The following IL1RL2 variants were observed in gnomAD, a reference collection of about 807,000 sequenced individuals.
The protein encoded by IL1RL2 is interleukin 1 receptor like 2, also known as interleukin-1 receptor-like 2.
IL1RL2 carries 68 observed loss-of-function variants against 66.8 expected under a neutral mutation model. The observed-to-expected ratio is 1.02, with a 90% CI of 0.84 to 1.25. IL1RL2 has a LOEUF of 1.25. Ranked by LOEUF, IL1RL2 falls within the 50% of genes most tolerant of loss-of-function variation. The pLI is 0.00. For missense variants in IL1RL2, 729 were observed against 709.3 expected (o/e 1.03, Z -0.32); for synonymous variants, 305 against 264.6 (o/e 1.15, Z -1.48).
intron 9 of IL1RL2, among the ~76,000 whole-genome samples, chr2:102,229,446 T>A (rs1346795682): frequency 6.6e-6 from 1 of 152,186 alleles, no homozygotes; most frequent in Non-Finnish European, 1.5e-5. Flanking sequence ...TGGGTTTACA[T>A]CAAGGCTATG....
intron 11 of IL1RL2, chr2:102,235,759 T>A (rs1378826300): frequency 1.0e-6 from 1 of 985,290 alleles, no homozygotes; most frequent in African/African-American, 1.7e-5. Context: ...CAGGGCCCCA[T>A]GCTCAGGGGT....
intron 6 of IL1RL2, among the ~76,000 whole-genome samples, chr2:102,213,467 C>G (rs1689351129): frequency 1.3e-5 from 2 of 152,058 alleles, no homozygotes; most frequent in African/African-American, 2.4e-5. Flanking sequence ...AAACATATAT[C>G]AAAACATCAC....
At chr2:102,228,168 A>G (rs1690801381) in intron 9 of IL1RL2, among the ~76,000 whole-genome samples, 1 of 152,040 alleles carries the variant, frequency 6.6e-6, no homozygotes, top group African/African-American at 2.4e-5. Context: ...GAAATTCTCT[A>G]CAGCTCTGTC....
chr2:102,213,417 C>T (rs1412826880), intron 6 of IL1RL2, among the ~76,000 whole-genome samples: 3 of 152,014 alleles, frequency 2.0e-5, no homozygotes, highest in African/African-American at 4.8e-5. Context: ...TGTGAAGTGA[C>T]GGATTTGTTA....
intron 5 of IL1RL2, among the ~76,000 whole-genome samples, chr2:102,201,949 T>C (rs1432683784): frequency 1.3e-5 from 2 of 152,156 alleles, no homozygotes; most frequent in African/African-American, 4.8e-5. Context: ...AAACTCTTGG[T>C]TGATTTGTGA....
intron 1 of IL1RL2, chr2:102,187,438 G>A: frequency 1.9e-6 from 2 of 1,057,516 alleles, no homozygotes; most frequent in Middle Eastern, 4.4e-4. Flanking sequence ...AGGCGCGCAG[G>A]GGAGGCTCCG....
rs113286300 is a variant in IL1RL2 at position 102,197,139 on chromosome 2, G to A, written c.490-4417G>A. ...GAGATGTTATGGGGAAAATTTGAAA[G>A]AGTAATGTAAGTAAATAGATGGAGA... On this transcript the variant is annotated intron_variant, in intron 4 of 11. Transcript: ENST00000264257. Among the ~76,000 whole-genome samples, 1,093 of 152,300 alleles carry A rather than the reference G, an allele frequency of 7.2e-3. 17 individuals are homozygous for A. Among genetic ancestry groups the A allele is most frequent in the African/African-American group, 0.025 (1,054 of 41,564 alleles).
chr2:102,225,960 G>T lies in IL1RL2; in HGVS notation c.1054G>T (p.Val352Phe). 6.2e-7 allele frequency: 1 copy of T among 1,611,344 alleles called. No individual in the cohort carries two copies. The highest frequency in any genetic ancestry group is 1.1e-5 in the South Asian group (1 of 90,754). Residue 352 changes from valine to phenylalanine, a missense_variant, in exon 9 of 12, where the codon GTT becomes TTT. Val to Phe is a conservative substitution (Grantham distance 50). Transcript: ENST00000264257. ...LIALVAVAVS[V>F]VYIYNIFKID... ...CGCCTTGGTGGCTGTGGCTGTGTCT[G>T]TTGTGTACATATACAACATTTTTAA...
intron 4 of IL1RL2, among the ~76,000 whole-genome samples, chr2:102,200,518 C>T (rs1429579804): frequency 3.3e-5 from 5 of 152,288 alleles, no homozygotes; most frequent in African/African-American, 1.2e-4. Flanking sequence ...TTAGATTGTG[C>T]ACTTCCTGAG....
chr2:102,237,604 A>T (rs1189991140), intron 11 of IL1RL2, among the ~76,000 whole-genome samples: 2 of 152,132 alleles, frequency 1.3e-5, no homozygotes, highest in Non-Finnish European at 2.9e-5. Flanking sequence ...CGAATCCTCC[A>T]TGAGGAATAA....
chr2:102,200,640 C>T (rs558718784), intron 4 of IL1RL2, among the ~76,000 whole-genome samples: 2 of 152,298 alleles, frequency 1.3e-5, no homozygotes, highest in South Asian at 2.1e-4. Flanking sequence ...AGCAGTCACT[C>T]TGTGGACTGC....
chr2:102,197,011 G>T (rs1231845360), intron 4 of IL1RL2, among the ~76,000 whole-genome samples: 2 of 152,148 alleles, frequency 1.3e-5, no homozygotes, highest in African/African-American at 4.8e-5. Flanking sequence ...TAGAAATCAA[G>T]TTAAGAAGTG....
chr2:102,201,603 G>C lies in IL1RL2; in HGVS notation c.537G>C (p.Arg179Ser). Residue 179 changes from arginine (R) to serine (S), a missense_variant, in exon 5 of 12, where the codon AGG becomes AGC. Arg to Ser is a moderately radical substitution (Grantham distance 110). Transcript: ENST00000264257. Reference protein sequence around the residue: ...KGERFTVLETRLLVSNVSAED... With the variant: ...KGERFTVLETSLLVSNVSAED... The stretch of plus-strand genomic sequence containing the variant: ...AGCGGTTCACTGTTTTGGAAACCAG[G>C]CTTTTGGTGAGCAATGTCTCGGCAG... 1.9e-6 allele frequency: 3 copies of C among 1,614,100 alleles called. No homozygotes were observed. Among genetic ancestry groups the C allele is most frequent in the Non-Finnish European group, 2.5e-6 (3 of 1,179,990 alleles).
At chr2:102,210,692 T>C (rs887134291) in intron 5 of IL1RL2, among the ~76,000 whole-genome samples, 3 of 152,186 alleles carry the variant, frequency 2.0e-5, no homozygotes, top group African/African-American at 7.2e-5. Flanking sequence ...GACTGGATGG[T>C]GATGCTATTC....
chr2:102,188,272 T>C (rs554926522), intron 2 of IL1RL2, among the ~76,000 whole-genome samples: 15 of 152,248 alleles, frequency 9.9e-5, no homozygotes, highest in African/African-American at 2.9e-4. Context: ...AAACCGTCAA[T>C]AGAACAAATT....
At chr2:102,231,823 C>T (rs939579038) in intron 9 of IL1RL2, among the ~76,000 whole-genome samples, 11 of 152,062 alleles carry the variant, frequency 7.2e-5, no homozygotes. Context: ...AGAGTCTGCT[C>T]AATTGCTTTT....
intron 9 of IL1RL2, among the ~76,000 whole-genome samples, chr2:102,227,930 C>T (rs932109848): frequency 2.0e-5 from 3 of 151,748 alleles, no homozygotes; most frequent in South Asian, 2.1e-4. Flanking sequence ...CTAGTGAGGT[C>T]GAGTTTAGCA....
In IL1RL2 at chr2:102,232,976, T is replaced by TA. The variant is rs772968683; in HGVS notation, c.1149_1150insA (p.Asp384ArgfsTer37). ...ATTCCTTTTCAGATGGGAAGCTGTA[T>TA]GACGCCTATGTCTTATACCCCAAGC... is the stretch of plus-strand genomic sequence containing the variant. On this transcript the variant is annotated frameshift_variant, in exon 10 of 12. Transcript: ENST00000264257. LOFTEE classifies it high-confidence loss of function. 20 of 1,611,366 alleles carry TA rather than the reference T, an allele frequency of 1.2e-5. No homozygotes were observed. The highest frequency in any genetic ancestry group is 1.1e-5 in the Non-Finnish European group (13 of 1,178,160).
chr2:102,203,946 C>T (rs954383305), intron 5 of IL1RL2, among the ~76,000 whole-genome samples: 9 of 151,652 alleles, frequency 5.9e-5, no homozygotes, highest in East Asian at 1.9e-4. Flanking sequence ...TTTGCTCTTG[C>T]TTTTCTAGTT....
Sources: allele counts gnomAD v4.1 joint callset (sites outside exome capture counted in the v4.1 genomes callset), GRCh38; gene constraint gnomAD v4.1.1; transcripts MANE v1.5; gene names NCBI Gene and HGNC (gene_info 2026-07-23, HGNC 2026-07-21).